Variants in ZNF112 observed in about 807,000 individuals in gnomAD.
ZNF112 encodes zinc finger protein 112, also known as zinc finger protein 112 (Y14).
A neutral mutation model predicts 77.7 loss-of-function variants in ZNF112; 37 were observed. The observed-to-expected ratio is 0.48, with a 90% confidence interval of 0.37 to 0.63. The LOEUF (loss-of-function observed/expected upper bound fraction) is 0.63, where lower values mean the gene tolerates loss of function less well. ZNF112 is among the 20% of genes least tolerant of loss of function. The pLI, the probability that ZNF112 is intolerant of heterozygous loss-of-function variation, is 0.00. For missense variants in ZNF112, 950 were observed against 1,077.4 expected (o/e 0.88, Z 1.66); for synonymous variants, 333 against 363.6 (o/e 0.92, Z 0.96).
At chr19:44,351,273 A>G (rs1285269105) in intron 1 of ZNF112, among the ~76,000 whole-genome samples, 1 of 152,126 alleles carries the variant, frequency 6.6e-6, no homozygotes, top group Middle Eastern at 3.2e-3. Context: ...CCTAAGTTTA[A>G]TCACACCAGT....
intron 1 of ZNF112, among the ~76,000 whole-genome samples, chr19:44,345,258 C>G (rs73934602): frequency 0.03 from 4,563 of 152,260 alleles, 183 homozygotes; most frequent in African/African-American, 0.09. Context: ...GCAGGATAAG[C>G]CCATGCAATT....
At chr19:44,333,417 C>T (rs1177700244) in intron 3 of ZNF112, among the ~76,000 whole-genome samples, 1 of 152,186 alleles carries the variant, frequency 6.6e-6, no homozygotes, top group Admixed American at 6.5e-5. Context: ...ATTTAAGCTG[C>T]TGTGCTGACT....
intron 1 of ZNF112, among the ~76,000 whole-genome samples, chr19:44,346,506 T>C (rs1970592783): frequency 6.6e-6 from 1 of 152,206 alleles, no homozygotes; most frequent in African/African-American, 2.4e-5. Flanking sequence ...ATTAACCATA[T>C]AGGTGTACAT....
chr19:44,331,083 C>T (rs954434253), intron 3 of ZNF112, among the ~76,000 whole-genome samples: 6 of 152,158 alleles, frequency 3.9e-5, no homozygotes, highest in Non-Finnish European at 7.4e-5. Context: ...CTGCCAGCTG[C>T]GCTAAGAGGG....
At chr19:44,337,759 T>C (rs1970408719) in intron 2 of ZNF112, among the ~76,000 whole-genome samples, 1 of 151,414 alleles carries the variant, frequency 6.6e-6, no homozygotes, top group Admixed American at 6.6e-5. Context: ...GTAATGAACA[T>C]TTCTTTTGAA....
exon 1 of ZNF112, chr19:44,367,188 C>G (rs536373092): frequency 2.2e-6 from 1 of 454,984 alleles, no homozygotes; most frequent in Non-Finnish European, 4.4e-6. Context: ...CCTCACTCAA[C>G]TTCCTGAAAG....
intron 2 of ZNF112, 81 bp downstream of exon 2, chr19:44,340,335 G>T: frequency 6.5e-7 from 1 of 1,542,934 alleles, no homozygotes; most frequent in Non-Finnish European, 8.7e-7. Context: ...TAATTTCAGG[G>T]GCTTCAGAGT....
chr19:44,339,250 C>A (rs966604505), intron 2 of ZNF112, among the ~76,000 whole-genome samples: 4 of 152,250 alleles, frequency 2.6e-5, no homozygotes, highest in Middle Eastern at 3.4e-3. Flanking sequence ...CCTTTGGCTT[C>A]TGGAGAAGGT....
intron 1 of ZNF112, 144 bp from the exon 2 acceptor site, chr19:44,340,686 T>C (rs1273884128): frequency 1.4e-5 from 17 of 1,174,080 alleles, no homozygotes; most frequent in Non-Finnish European, 1.9e-5. Flanking sequence ...GTAATGCTAA[T>C]ACCATTCACC....
chr19:44,366,272 G>C (rs149036436), intron 1 of ZNF112, among the ~76,000 whole-genome samples: 3,530 of 152,236 alleles, frequency 0.023, 139 homozygotes, highest in African/African-American at 0.077. Context: ...GTTATTTTAA[G>C]GTGGTCTGTA....
upstream of ZNF112, among the ~76,000 whole-genome samples, chr19:44,361,567 T>C (rs1970855447): frequency 6.6e-6 from 1 of 152,190 alleles, no homozygotes; most frequent in Non-Finnish European, 1.5e-5. Context: ...GTACTGTAAT[T>C]CAACTATATG....
chr19:44,358,088 C>A (rs1455592204), upstream of ZNF112, among the ~76,000 whole-genome samples: 1 of 147,370 alleles, frequency 6.8e-6, no homozygotes, highest in Non-Finnish European at 1.5e-5. Context: ...GGAGGCGGAG[C>A]TTGCAGTGAG....
At chr19:44,358,909 A>C (rs2123224663), upstream of ZNF112, among the ~76,000 whole-genome samples, 1 of 152,272 alleles carries the variant, frequency 6.6e-6, no homozygotes, top group East Asian at 1.9e-4. Context: ...TATTAGCAGA[A>C]GCGTATAGGG....
At chr19:44,347,307 G>C (rs1050699776) in intron 1 of ZNF112, among the ~76,000 whole-genome samples, 1 of 151,974 alleles carries the variant, frequency 6.6e-6, no homozygotes, top group South Asian at 2.1e-4. Flanking sequence ...ACATATACTT[G>C]GTTCTTGCTT....
intron 1 of ZNF112, among the ~76,000 whole-genome samples, chr19:44,342,703 C>A (rs1267622038): frequency 1.3e-5 from 2 of 151,746 alleles, no homozygotes; most frequent in African/African-American, 2.4e-5. Flanking sequence ...GTAATCCCAG[C>A]TACTCGGGAG....
intron 2 of ZNF112, 137 bp from the exon 3 acceptor site, chr19:44,336,855 A>G (rs1208057247): frequency 3.3e-5 from 21 of 631,442 alleles, no homozygotes; most frequent in Middle Eastern, 2.6e-4. Context: ...CACTCACTAT[A>G]AGAAACTAAC....
chr19:44,339,191 T>A (rs777085142), intron 2 of ZNF112, among the ~76,000 whole-genome samples: 6 of 152,198 alleles, frequency 3.9e-5, no homozygotes, highest in Non-Finnish European at 7.3e-5. Flanking sequence ...AAACAGACTG[T>A]GCAGTAAAGG....
chr19:44,356,567 C>G (rs1970789858), intron 1 of ZNF112, 59 bp downstream of exon 1: 1 of 152,316 alleles, frequency 6.6e-6, no homozygotes, highest in African/African-American at 2.4e-5. Context: ...TACTGGACCC[C>G]AACAAAACGA....
intron 3 of ZNF112, among the ~76,000 whole-genome samples, chr19:44,335,974 T>G (rs907316562): frequency 6.6e-6 from 1 of 152,156 alleles, no homozygotes; most frequent in Non-Finnish European, 1.5e-5. Context: ...AAGAGATTGT[T>G]TGGGTGCGAG....
Sources: allele counts gnomAD v4.1 joint callset (sites outside exome capture counted in the v4.1 genomes callset), GRCh38; gene constraint gnomAD v4.1.1; transcripts MANE v1.5; gene names NCBI Gene and HGNC (gene_info 2026-07-23, HGNC 2026-07-21).